The following PLCL1 variants were observed in gnomAD, a reference collection of about 807,000 sequenced individuals.
PLCL1 encodes phospholipase C like 1 (inactive).
A neutral mutation model predicts 84.4 loss-of-function variants in PLCL1; 41 were observed. That is an observed-to-expected ratio of 0.49 (90% CI 0.38 to 0.63). PLCL1 has a LOEUF of 0.63. Among genes scored for constraint, PLCL1 ranks in the 30% least tolerant of loss-of-function variants. PLCL1 has a pLI of 0.00. For missense variants in PLCL1, 1,206 were observed against 1,367.8 expected (o/e 0.88, Z 1.87); for synonymous variants, 490 against 488.3 (o/e 1.00, Z -0.05).
At chr2:197,824,114 A>G (rs976763881) in intron 1 of PLCL1, among the ~76,000 whole-genome samples, 1 of 152,172 alleles carries the variant, frequency 6.6e-6, no homozygotes, top group Non-Finnish European at 1.5e-5. Context: ...CTAAAATTTC[A>G]TATTAATGAA....
At chr2:198,064,004 G>C (rs1389194553) in intron 1 of PLCL1, among the ~76,000 whole-genome samples, 3 of 152,134 alleles carry the variant, frequency 2.0e-5, no homozygotes, top group Non-Finnish European at 4.4e-5. Flanking sequence ...TGTTCAATAA[G>C]CTAGTAATCA....
intron 1 of PLCL1, among the ~76,000 whole-genome samples, chr2:197,890,682 C>CCA (rs374777904): frequency 1.7e-5 from 2 of 116,198 alleles, no homozygotes; most frequent in Admixed American, 8.6e-5. Flanking sequence ...TATTTTTTTG[C>CCA]TATATATATA....
chr2:198,041,707 C>T (rs1691668995), intron 1 of PLCL1, among the ~76,000 whole-genome samples: 1 of 152,084 alleles, frequency 6.6e-6, no homozygotes, highest in Non-Finnish European at 1.5e-5. Context: ...AGTGTTCATT[C>T]AAGGAAGAAA....
intron 1 of PLCL1, among the ~76,000 whole-genome samples, chr2:197,894,886 A>G (rs1688103217): frequency 6.6e-6 from 1 of 151,964 alleles, no homozygotes. Flanking sequence ...GATTCATGAC[A>G]TGGCACATGG....
At chr2:198,024,018 T>A (rs577101271) in intron 1 of PLCL1, among the ~76,000 whole-genome samples, 1 of 151,982 alleles carries the variant, frequency 6.6e-6, no homozygotes, top group Non-Finnish European at 1.5e-5. Context: ...CAATGTTAGA[T>A]TGGATAAAGA....
At chr2:197,860,211 C>CT (rs1302242022) in intron 1 of PLCL1, among the ~76,000 whole-genome samples, 3 of 151,968 alleles carry the variant, frequency 2.0e-5, no homozygotes, top group South Asian at 4.2e-4. Flanking sequence ...TGATATCATT[C>CT]TTTTTTTATG....
At chr2:198,004,985 A>C (rs1690695416) in intron 1 of PLCL1, among the ~76,000 whole-genome samples, 1 of 152,246 alleles carries the variant, frequency 6.6e-6, no homozygotes, top group Admixed American at 6.5e-5. Context: ...AAAGGAAATC[A>C]TGAGGCCATT....
chr2:197,962,033 AGTT>A (rs1338993336), intron 1 of PLCL1, among the ~76,000 whole-genome samples: 1 of 152,090 alleles, frequency 6.6e-6, no homozygotes, highest in Non-Finnish European at 1.5e-5. Flanking sequence ...TATACAGTAA[AGTT>A]GTTTTTAATG....
At chr2:197,825,880 A>C (rs890388737) in intron 1 of PLCL1, among the ~76,000 whole-genome samples, 13 of 152,244 alleles carry the variant, frequency 8.5e-5, no homozygotes, top group African/African-American at 2.9e-4. Context: ...GAATAATGCA[A>C]TATATCTGTT....
At position 197,943,215 on chromosome 2, in the gene PLCL1, A is replaced by AAAATC. The variant is rs1258109687; in HGVS notation, c.240+137878_240+137882dup. Among the ~76,000 whole-genome samples the AAAATC allele has an allele frequency of 2.0e-5, 3 of 151,452 alleles. No individual in the cohort carries two copies. In the East Asian group the frequency reaches 5.8e-4, roughly 29 times the overall value. On this transcript the variant is annotated intron_variant, in intron 1 of 5. Coordinates refer to ENST00000428675, the MANE Select transcript of PLCL1 (RefSeq NM_006226.4). ...CTCTCTCAAAAAAAAAAAAAAAAAA[A>AAAATC]AAATCAGAATTCCCACATTCTCTGC...
chr2:198,088,750 G>T (rs907156888), intron 2 of PLCL1, 108 bp from the exon 3 acceptor site: 5 of 766,888 alleles, frequency 6.5e-6, no homozygotes, highest in Non-Finnish European at 1.2e-5. Context: ...TTATGAATTA[G>T]CCCTCTATTA....
At chr2:197,965,743 T>G (rs1689717094) in intron 1 of PLCL1, among the ~76,000 whole-genome samples, 1 of 152,244 alleles carries the variant, frequency 6.6e-6, no homozygotes, top group Admixed American at 6.5e-5. Flanking sequence ...TATGTTGTGT[T>G]TCCAATATCA....
chr2:198,078,005 T>C (rs1187162359), intron 1 of PLCL1, among the ~76,000 whole-genome samples: 1 of 152,202 alleles, frequency 6.6e-6, no homozygotes, highest in African/African-American at 2.4e-5. Flanking sequence ...TTTATTAGGA[T>C]ACCTTCCTAA....
chr2:198,000,740 T>C (rs77492923), intron 1 of PLCL1, among the ~76,000 whole-genome samples: 2,020 of 94,402 alleles, frequency 0.021, 39 homozygotes, highest in African/African-American at 0.066. Context: ...TTTATTTCCC[T>C]TTTTTTTTTT....
rs539615109 is a variant in PLCL1 at position 198,064,131 on chromosome 2, T to C, written c.241-19627T>C. 3.9e-5 allele frequency among the ~76,000 whole-genome samples: 6 copies of C among 152,316 alleles called. No individual in the cohort carries two copies. In the South Asian group the frequency reaches 1.2e-3, roughly 32 times the overall value. On this transcript the variant is annotated intron_variant, in intron 1 of 5. Transcript: ENST00000428675. ...GGGGATATCCACTCTCAGGGAGCTC[T>C]GGGAGACAGGCAAGAAACCTGTGAA...
In PLCL1 at chr2:198,084,191, G is replaced by C; in HGVS notation, c.674G>C (p.Ser225Thr). Residue 225 changes from serine (S) to threonine (T), a missense_variant, in exon 2 of 6, where the codon AGT becomes ACT. Transcript: ENST00000428675. Reference protein sequence around the residue: ...VSGLRYLVSRSKQPLDFMEGN... With the variant: ...VSGLRYLVSRTKQPLDFMEGN... ...GGGTTACGGTACCTGGTTTCTCGAA[G>C]TAAGCAGCCTCTTGATTTTATGGAG... The C allele has an allele frequency of 2.5e-6, 4 of 1,614,130 alleles. No individual in the cohort carries two copies. Among genetic ancestry groups the C allele is most frequent in the Non-Finnish European group, 3.4e-6 (4 of 1,180,008 alleles).
chr2:198,036,440 A>G (rs903876021), intron 1 of PLCL1, among the ~76,000 whole-genome samples: 1 of 152,230 alleles, frequency 6.6e-6, no homozygotes, highest in South Asian at 2.1e-4. Context: ...GCCAGCTAAC[A>G]TAAGTGCATT....
intron 1 of PLCL1, among the ~76,000 whole-genome samples, chr2:197,808,038 GC>G (rs1197731954): frequency 6.6e-6 from 1 of 152,142 alleles, no homozygotes; most frequent in Non-Finnish European, 1.5e-5. Flanking sequence ...TTATCTGTAT[GC>G]ATCTTCAGAA....
chr2:198,083,809 A>G lies in PLCL1; in HGVS notation c.292A>G (p.Ser98Gly). The G allele has an allele frequency of 6.2e-7, 1 of 1,607,658 alleles. No homozygotes were observed. The highest frequency in any genetic ancestry group is 1.7e-4 in the Middle Eastern group (1 of 6,032). ...GGRKKTVSFS[S>G]MPSEKKISSA... Reference sequence around the variant, plus strand: ...AAGAAAGAAAACCGTGTCTTTCAGCAGCATGCCATCGGAAAAGAAAATTAG... The same window carrying G: ...AAGAAAGAAAACCGTGTCTTTCAGCGGCATGCCATCGGAAAAGAAAATTAG... The change falls in exon 2 of 6, where the codon AGC (serine) becomes GGC (glycine). Residue 98 changes from serine to glycine, a missense_variant. Coordinates refer to ENST00000428675, the MANE Select transcript of PLCL1 (RefSeq NM_006226.4).
Sources: allele counts gnomAD v4.1 joint callset (sites outside exome capture counted in the v4.1 genomes callset), GRCh38; gene constraint gnomAD v4.1.1; transcripts MANE v1.5; gene names NCBI Gene and HGNC (gene_info 2026-07-23, HGNC 2026-07-21).